The following SMU1 variants were observed in gnomAD, a reference collection of about 807,000 sequenced individuals.
The protein encoded by SMU1 is SMU1 DNA replication regulator and spliceosomal factor.
SMU1 carries 2 observed loss-of-function variants against 62.0 expected under a neutral mutation model. That is an observed-to-expected ratio of 0.03 (90% CI 0.01 to 0.10). The LOEUF (loss-of-function observed/expected upper bound fraction) is 0.10. Among genes scored for constraint, SMU1 ranks in the 10% least tolerant of loss-of-function variants. The pLI is 1.00. For synonymous variants in SMU1, 188 were observed against 212.4 expected (o/e 0.89, Z 1.00); for missense variants, 227 against 622.1 (o/e 0.36, Z 6.76).
At chr9:33,074,586 G>A (rs1839522831) in intron 1 of SMU1, among the ~76,000 whole-genome samples, 3 of 152,118 alleles carry the variant, frequency 2.0e-5, no homozygotes, top group Admixed American at 6.5e-5. Flanking sequence ...CTCTAGCCTG[G>A]GAAAGAGAGC....
intron 1 of SMU1, among the ~76,000 whole-genome samples, chr9:33,074,608 T>A (rs1299478918): frequency 6.6e-6 from 1 of 151,962 alleles, no homozygotes; most frequent in Non-Finnish European, 1.5e-5. Flanking sequence ...AGACCTTGTC[T>A]CAAAAAAATA....
chr9:33,073,918 T>C (rs1022825133), intron 1 of SMU1, 112 bp from the exon 2 acceptor site: 2 of 1,028,238 alleles, frequency 1.9e-6, no homozygotes, highest in African/African-American at 1.6e-5. Flanking sequence ...TTCTTTATCA[T>C]GTGAGTAAAA....
chr9:33,062,263 T>A, intron 4 of SMU1, 86 bp from the exon 5 acceptor site: 6 of 1,506,958 alleles, frequency 4.0e-6, no homozygotes, highest in Non-Finnish European at 4.4e-6. Flanking sequence ...CCCGAAAGGA[T>A]GAGGTTCAGA....
At position 33,042,077 on chromosome 9, in the gene SMU1, G is replaced by A. The variant is rs979251236; in HGVS notation, c.*5216C>T. On this transcript the variant is annotated 3_prime_UTR_variant, in exon 12 of 12. Coordinates refer to ENST00000397149, the MANE Select transcript of SMU1 (RefSeq NM_018225.3). ...AATTGTTTAGGAAAATTTGTTACATGTTTTACAATTAAAAATCCTAAGAAC... is the reference window on the plus strand; with the variant it reads ...AATTGTTTAGGAAAATTTGTTACATATTTTACAATTAAAAATCCTAAGAAC... The A allele has an allele frequency of 6.6e-6, 1 of 152,542 alleles. No homozygotes were observed. The highest frequency in any genetic ancestry group is 1.5e-5 in the Non-Finnish European group (1 of 68,034). 9.4% of individuals were successfully genotyped at this position (152,542 alleles called of 1,614,324 possible).
chr9:33,062,322 T>G (rs755696569), intron 4 of SMU1, 145 bp from the exon 5 acceptor site: 50 of 1,003,232 alleles, frequency 5.0e-5, no homozygotes, highest in Non-Finnish European at 6.7e-5. Flanking sequence ...CATCCAAACA[T>G]AAAGTAATCT....
At chr9:33,060,669 G>T (rs1839352022) in intron 5 of SMU1, 85 bp from the exon 6 acceptor site, 1 of 1,553,276 alleles carries the variant, frequency 6.4e-7, no homozygotes, top group East Asian at 2.3e-5. Flanking sequence ...GAGAAACCCT[G>T]CCCTAGCATA....
Position 33,060,471 on chromosome 9 carries a change from G to A in SMU1, c.744C>T (p.Ile248=). The A allele has an allele frequency of 6.3e-7, 1 of 1,597,286 alleles. No individual in the cohort carries two copies. The highest frequency in any genetic ancestry group is 8.5e-7 in the Non-Finnish European group (1 of 1,176,430). ...IEVWNFTTGK[I]RKDLKYQAQD... is the part of the protein sequence containing the mutation. ...CACATTTAAAATACTTTACCTTTCTGATTTTTCCAGTAGTAAAGTTCCATA... is the reference window on the plus strand; with the variant it reads ...CACATTTAAAATACTTTACCTTTCTAATTTTTCCAGTAGTAAAGTTCCATA... Residue 248 remains isoleucine (I), a synonymous_variant, in exon 6 of 12, where the codon ATC becomes ATT. Transcript: ENST00000397149.
chr9:33,053,324 T>A (rs189437083), intron 9 of SMU1, 34 bp from the exon 10 acceptor site: 10 of 1,590,866 alleles, frequency 6.3e-6, no homozygotes, highest in Middle Eastern at 2.1e-4. Flanking sequence ...TAAACCTTTT[T>A]TAGGTATAAA....
intron 4 of SMU1, among the ~76,000 whole-genome samples, chr9:33,063,858 G>A (rs1426698144): frequency 1.3e-5 from 2 of 151,954 alleles, no homozygotes; most frequent in East Asian, 3.9e-4. Context: ...AAATGTTGGG[G>A]ACCACTGATT....
At chr9:33,071,029 G>C (rs567847048) in intron 3 of SMU1, among the ~76,000 whole-genome samples, 1 of 152,276 alleles carries the variant, frequency 6.6e-6, no homozygotes, top group African/African-American at 2.4e-5. Flanking sequence ...TGAATTGTTT[G>C]TAACACAAAG....
intron 4 of SMU1, among the ~76,000 whole-genome samples, chr9:33,066,532 G>T (rs1231933197): frequency 8.5e-6 from 1 of 117,942 alleles, no homozygotes; most frequent in Non-Finnish European, 2.0e-5. Flanking sequence ...AAAAGGCTGG[G>T]TGCGGTGGCT....
At chr9:33,072,679 C>T (rs558119916) in intron 2 of SMU1, among the ~76,000 whole-genome samples, 2 of 150,594 alleles carry the variant, frequency 1.3e-5, no homozygotes, top group South Asian at 2.1e-4. Flanking sequence ...AAACACAAAA[C>T]TTAGCTGGGC....
At chr9:33,055,786 G>A (rs764409338) in intron 9 of SMU1, among the ~76,000 whole-genome samples, 10 of 152,280 alleles carry the variant, frequency 6.6e-5, no homozygotes, top group Admixed American at 3.3e-4. Flanking sequence ...CTGTTAGCAG[G>A]TGGACCATAC....
chr9:33,043,865 A>G lies in SMU1; in HGVS notation c.*3428T>C, dbSNP rs905454228. ...CTCATTACATTGTTCTGAGAATTAA[A>G]TATGGCTGCTTACATAGCAAGGAAG... On this transcript the variant is annotated 3_prime_UTR_variant, in exon 12 of 12. Transcript: ENST00000397149. 1.3e-5 allele frequency: 2 copies of G among 152,434 alleles called. No homozygotes were observed. The highest frequency in any genetic ancestry group is 2.9e-5 in the Non-Finnish European group (2 of 68,022). 9.4% of individuals were successfully genotyped at this position (152,434 alleles called of 1,614,324 possible).
chr9:33,060,395 G>C (rs930948340), intron 6 of SMU1, 70 bp downstream of exon 6: 1 of 1,307,640 alleles, frequency 7.6e-7, no homozygotes, highest in African/African-American at 1.5e-5. Flanking sequence ...CTGATTTAGA[G>C]GCCATAGGTA....
At position 33,073,773 on chromosome 9, in the gene SMU1, C is replaced by T; in HGVS notation, c.60G>A (p.Glu20=). 6.2e-7 allele frequency: 1 copy of T among 1,614,220 alleles called. No individual in the cohort carries two copies. The change falls in exon 2 of 12, where the codon GAG becomes GAA. Residue 20 remains glutamate (E), a synonymous_variant. Coordinates refer to ENST00000397149, the MANE Select transcript of SMU1 (RefSeq NM_018225.3). The part of the protein sequence containing the change: ...VIRLIMQYLK[E]NSLHRALATL... ...TGGCTAACGCCCGATGTAAACTGTTCTCCTTCAAGTACTGCATAATAAGGC... is the reference window on the plus strand; with the variant it reads ...TGGCTAACGCCCGATGTAAACTGTTTTCCTTCAAGTACTGCATAATAAGGC...
rs751393273 is a variant in SMU1 at position 33,062,151 on chromosome 9, T to C, written c.528A>G (p.Gly176=). 6.2e-7 allele frequency: 1 copy of C among 1,613,402 alleles called. No individual in the cohort carries two copies. Among genetic ancestry groups the C allele is most frequent in the Admixed American group, 1.7e-5 (1 of 59,916 alleles). Residue 176 remains glycine, a synonymous_variant, in exon 5 of 12, where the codon GGA becomes GGG. Coordinates refer to ENST00000397149, the MANE Select transcript of SMU1 (RefSeq NM_018225.3). ...CTATGGTCATACCAGGAGGAAGCAA[T>C]CCCTGATGCTGCTGCCACTTCAGTG... is the stretch of plus-strand genomic sequence containing the variant. ...GQALKWQQHQ[G]LLPPGMTIDL... is the part of the protein sequence containing the mutation.
At chr9:33,048,849 C>A (rs1839213927) in intron 10 of SMU1, among the ~76,000 whole-genome samples, 1 of 152,122 alleles carries the variant, frequency 6.6e-6, no homozygotes, top group African/African-American at 2.4e-5. Context: ...TTGGGATTAA[C>A]CTGAAATTTA....
rs563980530 is a variant in SMU1, at chr9:33,047,138, T to A, written c.*155A>T. 3 of 556,516 alleles carry A rather than the reference T, an allele frequency of 5.4e-6. No homozygotes were observed. In the East Asian group the frequency reaches 9.2e-5, roughly 17 times the overall value. 34.5% of individuals were successfully genotyped at this position (556,516 alleles called of 1,614,324 possible). A position where few individuals can be genotyped will look rare whatever the true frequency, so the allele number is the denominator to read the frequency against. On this transcript the variant is annotated 3_prime_UTR_variant, in exon 12 of 12. Coordinates refer to ENST00000397149, the MANE Select transcript of SMU1 (RefSeq NM_018225.3). ...AATATATAAAAAAAGAAAGGGTAGT[T>A]GCTACTTAAACATGAATTTTCACAA...
Sources: allele counts gnomAD v4.1 joint callset (sites outside exome capture counted in the v4.1 genomes callset), GRCh38; gene constraint gnomAD v4.1.1; transcripts MANE v1.5; gene names NCBI Gene and HGNC (gene_info 2026-07-23, HGNC 2026-07-21).